The following IGSF10 variants were observed in gnomAD, a reference collection of about 807,000 sequenced individuals.
The protein encoded by IGSF10 is calvaria mechanical force protein 608.
Under a neutral mutation model 128.2 loss-of-function variants are expected in IGSF10, and 126 were observed. The ratio of observed to expected loss-of-function variants is 0.98; its 90% CI spans 0.85 to 1.14. The LOEUF is 1.14. Ranked by LOEUF, IGSF10 falls within the 50% of genes most tolerant of loss-of-function variation. The pLI, the probability that IGSF10 is intolerant of heterozygous loss-of-function variation, is 0.00. For missense variants in IGSF10, 3,295 were observed against 3,149.8 expected (o/e 1.05, Z -1.10); for synonymous variants, 1,185 against 1,146.2 (o/e 1.03, Z -0.68).
chr3:151,577,643 C>T, the IGSF10 span, among the ~76,000 whole-genome samples: 3 of 151,932 alleles, frequency 2.0e-5, no homozygotes, highest in Non-Finnish European at 4.4e-5. Flanking sequence ...CACTCCTAAA[C>T]CAACACCAAT....
chr3:151,591,450 A>G, the IGSF10 span, among the ~76,000 whole-genome samples: 1 of 147,472 alleles, frequency 6.8e-6, no homozygotes, highest in Non-Finnish European at 1.5e-5. Flanking sequence ...TATATATATT[A>G]TATATATATT....
At chr3:151,484,399 A>C in the IGSF10 span, among the ~76,000 whole-genome samples, 129,809 of 152,180 alleles carry the variant, frequency 0.85, 55,569 homozygotes, top group Middle Eastern at 0.95. Flanking sequence ...AATGTCCCTG[A>C]CTGATGGCTC....
the IGSF10 span, among the ~76,000 whole-genome samples, chr3:151,558,469 G>A: frequency 9.2e-5 from 14 of 152,036 alleles, no homozygotes; most frequent in African/African-American, 3.4e-4. Flanking sequence ...TATACTATTG[G>A]GGTTTAATAA....
chr3:151,569,794 T>A, the IGSF10 span, among the ~76,000 whole-genome samples: 2 of 152,234 alleles, frequency 1.3e-5, no homozygotes, highest in Admixed American at 6.5e-5. Context: ...GCAGGTTTGT[T>A]ACGTATGTAT....
At position 151,436,230 on chromosome 3, in the gene IGSF10, T is replaced by C. The variant is rs1393911975; in HGVS notation, c.*459A>G. ...TTCTGTAGGTTTTAGCAAAAAAATT[T>C]ATAAACCACAAAATATTTATACATC... On this transcript the variant is annotated 3_prime_UTR_variant, in exon 8 of 8. Coordinates refer to ENST00000282466, the MANE Select transcript of IGSF10 (RefSeq NM_178822.5). 1 of 153,826 alleles carries C rather than the reference T, an allele frequency of 6.5e-6. No individual in the cohort carries two copies. The highest frequency in any genetic ancestry group is 2.4e-5 in the African/African-American group (1 of 41,460). The allele number at this position is 153,826 out of a possible 1,614,324, so 9.5% of individuals were successfully genotyped here.
At chr3:151,489,492 A>C in the IGSF10 span, among the ~76,000 whole-genome samples, 3 of 152,146 alleles carry the variant, frequency 2.0e-5, no homozygotes, top group African/African-American at 7.2e-5. Flanking sequence ...AGAGGATTAT[A>C]AATCTTTCTA....
chr3:151,565,110 C>T, the IGSF10 span, among the ~76,000 whole-genome samples: 1 of 152,296 alleles, frequency 6.6e-6, no homozygotes, highest in Non-Finnish European at 1.5e-5. Context: ...TCTCTAAAAA[C>T]TCTGAAAGAA....
At chr3:151,487,049 T>A in the IGSF10 span, among the ~76,000 whole-genome samples, 2 of 151,902 alleles carry the variant, frequency 1.3e-5, no homozygotes, top group African/African-American at 2.4e-5. Flanking sequence ...ATCCAAGACC[T>A]GTTTTTTTTA....
chr3:151,600,833 A>G, the IGSF10 span, among the ~76,000 whole-genome samples: 1 of 152,154 alleles, frequency 6.6e-6, no homozygotes, highest in Non-Finnish European at 1.5e-5. Context: ...TGTAGTCTTA[A>G]TAAGTGCATT....
the IGSF10 span, among the ~76,000 whole-genome samples, chr3:151,561,756 T>C: frequency 6.6e-6 from 1 of 152,106 alleles, no homozygotes; most frequent in Non-Finnish European, 1.5e-5. Context: ...GGTATACATA[T>C]CTCTGGTAAC....
the IGSF10 span, among the ~76,000 whole-genome samples, chr3:151,534,801 ATGTGTG>A: frequency 6.7e-6 from 1 of 149,078 alleles, no homozygotes; most frequent in Non-Finnish European, 1.5e-5. Flanking sequence ...TTTAAAGTGT[ATGTGTG>A]TGTGTGTGTG....
At chr3:151,567,001 G>A in the IGSF10 span, among the ~76,000 whole-genome samples, 4 of 152,160 alleles carry the variant, frequency 2.6e-5, no homozygotes, top group African/African-American at 9.7e-5. Context: ...CTATCCAGGT[G>A]GCTGTCAATC....
At chr3:151,462,650 A>G (rs1200966779), upstream of IGSF10, among the ~76,000 whole-genome samples, 2 of 152,234 alleles carry the variant, frequency 1.3e-5, no homozygotes, top group Non-Finnish European at 2.9e-5. Context: ...ACGTTTAACC[A>G]TAAAGTTGTG....
Position 151,446,407 on chromosome 3 carries a change from T to G in IGSF10, c.3574A>C (p.Ile1192Leu). 6.2e-7 allele frequency: 1 copy of G among 1,614,108 alleles called. No homozygotes were observed. The highest frequency in any genetic ancestry group is 8.5e-7 in the Non-Finnish European group (1 of 1,179,934). Residue 1192 changes from isoleucine (I) to leucine (L), a missense_variant, in exon 6 of 8, where the codon ATT (isoleucine) becomes CTT (leucine). Transcript: ENST00000282466. The stretch of plus-strand genomic sequence containing the variant: ...CTTGAAAACCTTGTAATGGCTATAA[T>G]AGTCATTGGTGGCTTGGTGATAGCA... ...SGAITKPPMT[I>L]IAITRFSRRK...
At chr3:151,495,410 G>A in the IGSF10 span, among the ~76,000 whole-genome samples, 1 of 152,042 alleles carries the variant, frequency 6.6e-6, no homozygotes, top group South Asian at 2.1e-4. Context: ...CTGTGATTAT[G>A]ATCTACCACG....
intron 3 of IGSF10, 21 bp from the exon 4 acceptor site, chr3:151,457,176 CT>C: frequency 6.2e-7 from 1 of 1,612,626 alleles, no homozygotes; most frequent in East Asian, 2.2e-5. Flanking sequence ...AAATGACATT[CT>C]AGGCATAAGC....
chr3:151,543,850 A>G, the IGSF10 span, among the ~76,000 whole-genome samples: 6 of 152,158 alleles, frequency 3.9e-5, no homozygotes, highest in African/African-American at 1.4e-4. Context: ...TTAGTTTTCT[A>G]TGTAGCTATT....
the IGSF10 span, among the ~76,000 whole-genome samples, chr3:151,608,234 T>G: frequency 6.6e-6 from 1 of 152,232 alleles, no homozygotes; most frequent in African/African-American, 2.4e-5. Flanking sequence ...AAAAATGGTT[T>G]GAATAAAAAA....
chr3:151,564,620 T>C, the IGSF10 span, among the ~76,000 whole-genome samples: 2 of 152,152 alleles, frequency 1.3e-5, no homozygotes, highest in Non-Finnish European at 2.9e-5. Context: ...AAGTTTGTGT[T>C]CCCCAGTTGG....
Sources: gnomAD v4.1 joint callset for allele counts (sites outside exome capture counted in the v4.1 genomes callset) on GRCh38, gnomAD v4.1.1 for gene constraint, MANE v1.5 for transcripts, NCBI Gene and HGNC (gene_info 2026-07-23, HGNC 2026-07-21) for gene names.